Variants in SH2B2 observed in about 807,000 individuals in gnomAD.
SH2B2 encodes the protein SH2B adaptor protein 2, also known as SH2B adapter protein 2.
A neutral mutation model predicts 35.7 loss-of-function variants in SH2B2; 37 were observed. The observed-to-expected ratio is 1.04, with a 90% CI of 0.80 to 1.36. The LOEUF (loss-of-function observed/expected upper bound fraction) is 1.36, where lower values mean the gene tolerates loss of function less well. Ranked by LOEUF, SH2B2 falls within the 40% of genes most tolerant of loss-of-function variation. The probability of loss-of-function intolerance (pLI) is 0.00; values close to 1 mark genes in which losing one functional copy is unlikely to be tolerated. For missense variants in SH2B2, 852 were observed against 817.7 expected, an observed-to-expected ratio of 1.04 and a Z score of -0.51; for synonymous variants, 383 against 376.4, an observed-to-expected ratio of 1.02 and a Z score of -0.20.
Position 102,300,918 on chromosome 7 carries a change from C to T in SH2B2, c.368C>T (p.Thr123Met). 6.7e-7 allele frequency: 1 copy of T among 1,486,346 alleles called. No homozygotes were observed. The allele number at this position is 1,486,346 out of a possible 1,614,324, so 92.1% of individuals were successfully genotyped here. The change falls in exon 2 of 9, where the codon ACG becomes ATG. Residue 123 changes from threonine to methionine, a missense_variant. Thr to Met is a moderately conservative substitution (Grantham distance 81). Around this residue, in one of 3 missense-constraint regions of SH2B2, gnomAD observed 294 missense variants for 286.6 expected, o/e 1.03. Transcript: ENST00000444095. Reference protein sequence around the residue: ...GHSRSSEDVSTHAATKARVRK... With the variant: ...GHSRSSEDVSMHAATKARVRK... ...TCGCGGAGCTCGGAGGACGTGTCCA[C>T]GCACGCGGCCACCAAGGCCCGCGTT... is the stretch of plus-strand genomic sequence containing the variant.
intron 4 of SH2B2, among the ~76,000 whole-genome samples, chr7:102,310,775 CTT>C (rs1379349911): frequency 3.3e-5 from 5 of 152,358 alleles, no homozygotes; most frequent in African/African-American, 1.2e-4. Flanking sequence ...TCTGCAAACT[CTT>C]TCCCCAGCCG....
At chr7:102,304,610 G>C (rs1231989163) in intron 2 of SH2B2, among the ~76,000 whole-genome samples, 1 of 152,228 alleles carries the variant, frequency 6.6e-6, no homozygotes, top group East Asian at 1.9e-4. Flanking sequence ...CAGGCATGTG[G>C]GCACAGTGCG....
At chr7:102,313,860 G>A (rs961783257) in intron 4 of SH2B2, among the ~76,000 whole-genome samples, 2 of 151,656 alleles carry the variant, frequency 1.3e-5, no homozygotes, top group Non-Finnish European at 2.9e-5. Context: ...AAAGTGAGCC[G>A]AGATCGCGCC....
chr7:102,298,919 T>C (rs1411032640), intron 1 of SH2B2, among the ~76,000 whole-genome samples: 1 of 131,780 alleles, frequency 7.6e-6, no homozygotes, highest in Non-Finnish European at 1.6e-5. Context: ...CTTCTCTTTT[T>C]TTTTTTTTTT....
intron 1 of SH2B2, among the ~76,000 whole-genome samples, 192 bp downstream of exon 1, chr7:102,287,286 C>T (rs1378732290): frequency 1.3e-5 from 2 of 151,946 alleles, no homozygotes; most frequent in Non-Finnish European, 2.9e-5. Context: ...GAGGCGCCCC[C>T]GGCTGGGATC....
chr7:102,294,386 A>G lies in SH2B2; in HGVS notation c.-29-6136A>G, dbSNP rs530796859. Among the ~76,000 whole-genome samples the G allele has an allele frequency of 2.0e-5, 3 of 152,246 alleles. No individual in the cohort carries two copies. The South Asian group carries it at 6.2e-4, about 32-fold the overall frequency. On this transcript the variant is annotated intron_variant, in intron 1 of 8. Transcript: ENST00000444095. Reference sequence around the variant, plus strand: ...GGAGATGTTGAATAGTCGGAAGAGCAAAGTCCCTAGAGAGGGCTTGAAACA... The same window carrying G: ...GGAGATGTTGAATAGTCGGAAGAGCGAAGTCCCTAGAGAGGGCTTGAAACA...
chr7:102,292,273 A>G (rs967486430), intron 1 of SH2B2, among the ~76,000 whole-genome samples: 3 of 152,070 alleles, frequency 2.0e-5, no homozygotes, highest in Non-Finnish European at 4.4e-5. Context: ...GCTCACATCT[A>G]TAATCCCAGC....
chr7:102,309,553 G>A lies in SH2B2; in HGVS notation c.923+647G>A, dbSNP rs1181652023. 18 of 306,030 alleles carry A rather than the reference G, an allele frequency of 5.9e-5. No individual in the cohort carries two copies. The Admixed American group carries it at 7.8e-4, about 13-fold the overall frequency. 19.0% of individuals were successfully genotyped at this position (306,030 alleles called of 1,614,324 possible). On this transcript the variant is annotated intron_variant, in intron 4 of 8. Transcript: ENST00000444095. ...TTTTTATATTTTTAGTAGAGACGGG[G>A]TTTCATCATGTTGGCCAGGCTGGTC...
chr7:102,310,184 C>T (rs1251310789), intron 4 of SH2B2, among the ~76,000 whole-genome samples: 4 of 152,116 alleles, frequency 2.6e-5, no homozygotes, highest in East Asian at 3.9e-4. Context: ...GGCATCGTGG[C>T]GGGCATCTGT....
At position 102,286,976 on chromosome 7, in the gene SH2B2, G is replaced by C. The variant is rs1792479718; in HGVS notation, c.-148G>C. The C allele has an allele frequency of 6.6e-6, 1 of 150,870 alleles. No homozygotes were observed. Among genetic ancestry groups the C allele is most frequent in the Admixed American group, 6.6e-5 (1 of 15,158 alleles). 9.3% of individuals were successfully genotyped at this position (150,870 alleles called of 1,614,324 possible). On this transcript the variant is annotated 5_prime_UTR_variant, in exon 1 of 9. Coordinates refer to ENST00000444095, the MANE Select transcript of SH2B2 (RefSeq NM_001359228.2). The stretch of plus-strand genomic sequence containing the variant: ...CGCAGGAGCCTTCGAGGCGGTGAAC[G>C]AGGGAGGGAGCCCAGTCCGCCGCGG...
chr7:102,301,899 G>C (rs1793210970), intron 2 of SH2B2, among the ~76,000 whole-genome samples: 1 of 151,484 alleles, frequency 6.6e-6, no homozygotes, highest in African/African-American at 2.4e-5. Context: ...TGAGACAGGG[G>C]CCGTCACTCA....
At chr7:102,299,417 T>C (rs1427872023) in intron 1 of SH2B2, among the ~76,000 whole-genome samples, 1 of 150,640 alleles carries the variant, frequency 6.6e-6, no homozygotes, top group Non-Finnish European at 1.5e-5. Flanking sequence ...TAGGATGGTC[T>C]CAATCTCTTG....
intron 4 of SH2B2, among the ~76,000 whole-genome samples, chr7:102,313,787 CT>C (rs1443796067): frequency 6.6e-6 from 1 of 150,722 alleles, no homozygotes; most frequent in Admixed American, 6.6e-5. Context: ...TGGCAGATGC[CT>C]GTAATCCCAG....
chr7:102,292,562 G>A (rs190136670), intron 1 of SH2B2, among the ~76,000 whole-genome samples: 19 of 151,990 alleles, frequency 1.3e-4, no homozygotes, highest in African/African-American at 3.9e-4. Context: ...CCTGGCCATG[G>A]CGTCTTGTGC....
chr7:102,286,699 C>T (rs1184622344), upstream of SH2B2, among the ~76,000 whole-genome samples: 82 of 148,952 alleles, frequency 5.5e-4, no homozygotes, highest in African/African-American at 2.0e-3. Flanking sequence ...AAGCACCGGC[C>T]ACCGGCGCCG....
upstream of SH2B2, among the ~76,000 whole-genome samples, chr7:102,286,721 C>T (rs1346496208): frequency 8.9e-6 from 1 of 112,840 alleles, no homozygotes; most frequent in African/African-American, 3.4e-5. Flanking sequence ...TCGGGCTCCG[C>T]GGATGGCCGG....
chr7:102,300,586 C>T lies in SH2B2; in HGVS notation c.36C>T (p.Ala12=), dbSNP rs1342423716. Reference sequence around the variant, plus strand: ...CCGGCCCTGGCCCCGCCGCAGCCGCCCCGGTCCCAGTCCCGGTCCCGGTCC... The same window carrying T: ...CCGGCCCTGGCCCCGCCGCAGCCGCTCCGGTCCCAGTCCCGGTCCCGGTCC... ...NGAGPGPAAA[A]PVPVPVPVPD... is the part of the protein sequence containing the mutation. Residue 12 remains alanine (A), a synonymous_variant, in exon 2 of 9, where the codon GCC becomes GCT. Transcript: ENST00000444095. The T allele has an allele frequency of 6.5e-7, 1 of 1,549,800 alleles. No homozygotes were observed. Among genetic ancestry groups the T allele is most frequent in the African/African-American group, 1.4e-5 (1 of 73,136 alleles).
chr7:102,297,430 C>G lies in SH2B2; in HGVS notation c.-29-3092C>G, dbSNP rs932084297. On this transcript the variant is annotated intron_variant, in intron 1 of 8. Transcript: ENST00000444095. The surrounding 1 kb of genome is among the most constrained non-coding windows in gnomAD (Gnocchi z 4.3). ...ACACACACACACACACACACACACACGCAGTATACAGAGGTTCAGTATTAG... is the reference window on the plus strand; with the variant it reads ...ACACACACACACACACACACACACAGGCAGTATACAGAGGTTCAGTATTAG... Among the ~76,000 whole-genome samples the G allele has an allele frequency of 2.0e-5, 3 of 151,400 alleles. No homozygotes were observed. The highest frequency in any genetic ancestry group is 4.4e-5 in the Non-Finnish European group (3 of 67,938).
At chr7:102,300,392 C>T (rs1018448850) in intron 1 of SH2B2, 130 bp from the exon 2 acceptor site, 3 of 1,175,376 alleles carry the variant, frequency 2.6e-6, no homozygotes, top group Admixed American at 6.6e-5. Flanking sequence ...TGTAGTCCCA[C>T]AACACACACG....
Sources: allele counts gnomAD v4.1 joint callset (sites outside exome capture counted in the v4.1 genomes callset), GRCh38; gene constraint gnomAD v4.1.1; regional missense constraint gnomAD v4.1.1; non-coding constraint Gnocchi (gnomAD v3.1); transcripts MANE v1.5; gene names NCBI Gene and HGNC (gene_info 2026-07-23, HGNC 2026-07-21).